RFX4: variants seen among roughly 807,000 people sequenced by gnomAD.
RFX4 encodes transcription factor RFX4.
In RFX4, 10 loss-of-function variants were observed where a neutral mutation model predicts 95.0. That is an observed-to-expected ratio of 0.11 (90% CI 0.06 to 0.18). The LOEUF is 0.18. Among genes scored for constraint, RFX4 ranks in the 10% least tolerant of loss-of-function variants. The pLI is 1.00. For missense variants in RFX4, 640 were observed against 922.0 expected (o/e 0.69, Z 3.96); for synonymous variants, 321 against 340.7 (o/e 0.94, Z 0.64).
intron 8 of RFX4, among the ~76,000 whole-genome samples, chr12:106,699,923 T>C (rs1165124988): frequency 6.6e-6 from 1 of 152,184 alleles, no homozygotes; most frequent in East Asian, 1.9e-4. Context: ...TCCCTCTTCC[T>C]AGTTGTTTTC....
intron 2 of RFX4, among the ~76,000 whole-genome samples, chr12:106,636,251 G>T (rs376129824): frequency 6.6e-6 from 1 of 151,916 alleles, no homozygotes; most frequent in Non-Finnish European, 1.5e-5. Context: ...TTAGCCAGGC[G>T]TGGTTGTGGG....
intron 1 of RFX4, among the ~76,000 whole-genome samples, chr12:106,592,697 G>T (rs1177232863): frequency 1.5e-5 from 2 of 132,008 alleles, no homozygotes; most frequent in Non-Finnish European, 3.1e-5. Context: ...TTTTACACTT[G>T]GTTTTCAGGA....
intron 13 of RFX4, among the ~76,000 whole-genome samples, chr12:106,723,641 T>C (rs900681729): frequency 6.6e-6 from 1 of 152,194 alleles, no homozygotes; most frequent in Non-Finnish European, 1.5e-5. Context: ...GGGGAGACCA[T>C]GTGGGCATGT....
chr12:106,684,334 T>A (rs2041595559), intron 5 of RFX4, among the ~76,000 whole-genome samples: 1 of 152,136 alleles, frequency 6.6e-6, no homozygotes. Flanking sequence ...ACCACTGCAC[T>A]CCAGCCAGGG....
chr12:106,715,168 C>T (rs947052174), intron 10 of RFX4: 11 of 471,988 alleles, frequency 2.3e-5, no homozygotes, highest in East Asian at 1.8e-4. Flanking sequence ...AGCCCACCCT[C>T]GCAGTTTCTT....
intron 4 of RFX4, among the ~76,000 whole-genome samples, 184 bp downstream of exon 4, chr12:106,654,535 T>G (rs2040918782): frequency 1.3e-5 from 2 of 152,206 alleles, no homozygotes; most frequent in Admixed American, 1.3e-4. Flanking sequence ...TCAAAAACAT[T>G]GTAAAGTAAG....
At chr12:106,685,555 G>A (rs2041627872) in intron 5 of RFX4, among the ~76,000 whole-genome samples, 1 of 152,134 alleles carries the variant, frequency 6.6e-6, no homozygotes, top group African/African-American at 2.4e-5. Context: ...GCTTGATTCA[G>A]TGCTGATTCC....
intron 7 of RFX4, among the ~76,000 whole-genome samples, chr12:106,691,537 A>T (rs2137434990): frequency 6.6e-6 from 1 of 152,338 alleles, no homozygotes; most frequent in South Asian, 2.1e-4. Context: ...GAGAAAAGTC[A>T]TTGGTAAATG....
chr12:106,710,937 G>A (rs568529753), intron 9 of RFX4, among the ~76,000 whole-genome samples: 1 of 152,282 alleles, frequency 6.6e-6, no homozygotes, highest in East Asian at 1.9e-4. Flanking sequence ...ACAGGTCATG[G>A]AGATCACTTG....
At chr12:106,671,981 A>T (rs1431571885) in intron 4 of RFX4, among the ~76,000 whole-genome samples, 1 of 152,116 alleles carries the variant, frequency 6.6e-6, no homozygotes, top group Non-Finnish European at 1.5e-5. Context: ...GTTTTCTAAG[A>T]CAAAATGTAC....
In RFX4 at chr12:106,761,963, G is replaced by A. The variant is rs2043213873; in HGVS notation, c.*494G>A. 1 of 152,684 alleles carries A rather than the reference G, an allele frequency of 6.5e-6. No individual in the cohort carries two copies. The highest frequency in any genetic ancestry group is 1.5e-5 in the Non-Finnish European group (1 of 68,066). 9.5% of individuals were successfully genotyped at this position (152,684 alleles called of 1,614,324 possible). On this transcript the variant is annotated 3_prime_UTR_variant, in exon 18 of 18. Transcript: ENST00000392842. ...TGTACAAGGAACAGCCCTCAGACGTGTTCTGCACATCCCTTCTTCCTGGTG... is the reference window on the plus strand; with the variant it reads ...TGTACAAGGAACAGCCCTCAGACGTATTCTGCACATCCCTTCTTCCTGGTG...
chr12:106,698,468 A>C (rs1227466116), intron 8 of RFX4, among the ~76,000 whole-genome samples: 1 of 152,090 alleles, frequency 6.6e-6, no homozygotes, highest in Non-Finnish European at 1.5e-5. Context: ...ATTTGTAGAG[A>C]TAGGGTCTCA....
At chr12:106,597,828 C>T (rs11113052) in intron 1 of RFX4, among the ~76,000 whole-genome samples, 7,803 of 152,040 alleles carry the variant, frequency 0.051, 457 homozygotes, top group African/African-American at 0.14. Flanking sequence ...CCACTGCATC[C>T]CAGCCTAGGC....
Position 106,686,862 on chromosome 12 carries a change from C to T in RFX4, c.378-22C>T, listed in dbSNP as rs12321625. ...CTCTTTTTTTTTTTTTCTCTCTCTC[C>T]CTCCCTCCCCTTGTGGCCCAGGTAC... is the stretch of plus-strand genomic sequence containing the variant. On this transcript the variant is annotated intron_variant, in intron 5 of 17. Coordinates refer to ENST00000392842, the MANE Select transcript of RFX4 (RefSeq NM_213594.3). The T allele has an allele frequency of 8.0e-3, 5,566 of 695,304 alleles. 32 individuals carry two copies. The highest frequency in any genetic ancestry group is 0.02 in the African/African-American group (590 of 28,890). 43.1% of individuals were successfully genotyped at this position (695,304 alleles called of 1,614,324 possible).
intron 1 of RFX4, among the ~76,000 whole-genome samples, chr12:106,595,867 T>A (rs759145000): frequency 6.6e-6 from 1 of 152,184 alleles, no homozygotes; most frequent in Non-Finnish European, 1.5e-5. Flanking sequence ...GCAACTTAGG[T>A]AACCTCTCTG....
chr12:106,740,059 C>A (rs1337225068), intron 15 of RFX4, among the ~76,000 whole-genome samples: 1 of 152,218 alleles, frequency 6.6e-6, no homozygotes, highest in Admixed American at 6.5e-5. Context: ...CCTCCTTCAG[C>A]AATGACAATA....
chr12:106,715,361 C>T, intron 10 of RFX4, 39 bp from the exon 11 acceptor site: 1 of 1,596,750 alleles, frequency 6.3e-7, no homozygotes, highest in Non-Finnish European at 8.6e-7. Context: ...AGGGTTTTAA[C>T]AACCCATGAG....
intron 4 of RFX4, among the ~76,000 whole-genome samples, chr12:106,664,907 A>G (rs1224665894): frequency 6.6e-6 from 1 of 151,868 alleles, no homozygotes; most frequent in Non-Finnish European, 1.5e-5. Context: ...CAGACATTAT[A>G]TGATTTTTGT....
At chr12:106,634,450 G>A (rs998756447) in intron 2 of RFX4, among the ~76,000 whole-genome samples, 1 of 152,138 alleles carries the variant, frequency 6.6e-6, no homozygotes, top group African/African-American at 2.4e-5. Flanking sequence ...GCTTTTGAAC[G>A]CTTACCCTCT....
Sources: gnomAD v4.1 joint callset for allele counts (sites outside exome capture counted in the v4.1 genomes callset) on GRCh38, gnomAD v4.1.1 for gene constraint, MANE v1.5 for transcripts, NCBI Gene and HGNC (gene_info 2026-07-23, HGNC 2026-07-21) for gene names.